Variants in SRGAP1 observed in about 807,000 individuals in gnomAD.
The protein encoded by SRGAP1 is SLIT-ROBO Rho GTPase-activating protein 1.
In SRGAP1, 43 loss-of-function variants were observed where a neutral mutation model predicts 121.9. The ratio of observed to expected loss-of-function variants is 0.35; its 90% confidence interval spans 0.28 to 0.46. The LOEUF (loss-of-function observed/expected upper bound fraction) is 0.46. Ranked by LOEUF, SRGAP1 falls within the 20% of genes least tolerant of loss-of-function variation. The probability of loss-of-function intolerance (pLI) is 1.00; values close to 1 mark genes in which losing one functional copy is unlikely to be tolerated. For missense variants in SRGAP1, 1,102 were observed against 1,350.9 expected (o/e 0.82, Z 2.89); for synonymous variants, 447 against 485.4 (o/e 0.92, Z 1.04).
chr12:63,923,656 T>C (rs1243894619), intron 1 of SRGAP1, among the ~76,000 whole-genome samples: 1 of 152,222 alleles, frequency 6.6e-6, no homozygotes, highest in Admixed American at 6.5e-5. Context: ...TTGGTAACAA[T>C]CTCCTTTAAG....
At chr12:63,948,990 T>A (rs1167509852) in intron 1 of SRGAP1, among the ~76,000 whole-genome samples, 1 of 139,540 alleles carries the variant, frequency 7.2e-6, no homozygotes, top group Non-Finnish European at 1.5e-5. Flanking sequence ...ATATTCCATA[T>A]ATGTATTTTC....
chr12:64,036,337 G>A (rs180972720), intron 4 of SRGAP1, among the ~76,000 whole-genome samples: 322 of 152,280 alleles, frequency 2.1e-3, no homozygotes, highest in African/African-American at 7.1e-3. Flanking sequence ...GAAACAATGG[G>A]CGTGGGCTTC....
chr12:63,962,324 T>C (rs1051360286), intron 1 of SRGAP1, among the ~76,000 whole-genome samples: 1 of 152,232 alleles, frequency 6.6e-6, no homozygotes, highest in Non-Finnish European at 1.5e-5. Flanking sequence ...AAGGAGACTT[T>C]TATGCTAAAA....
intron 1 of SRGAP1, among the ~76,000 whole-genome samples, chr12:63,883,845 A>C (rs143235904): frequency 0.058 from 8,817 of 150,790 alleles, 306 homozygotes; most frequent in East Asian, 0.14. Flanking sequence ...TTTTTAGTAG[A>C]GACGGGGTTT....
At chr12:63,928,078 T>C (rs957534265) in intron 1 of SRGAP1, among the ~76,000 whole-genome samples, 4 of 152,114 alleles carry the variant, frequency 2.6e-5, no homozygotes, top group African/African-American at 4.8e-5. Context: ...AGCTGTTTTG[T>C]TAGTGTTGAT....
At chr12:64,035,970 C>T (rs961612109) in intron 4 of SRGAP1, among the ~76,000 whole-genome samples, 1 of 152,152 alleles carries the variant, frequency 6.6e-6, no homozygotes, top group African/African-American at 2.4e-5. Flanking sequence ...CCCATTTTAC[C>T]TCGAAGGAAC....
At chr12:64,034,948 G>A (rs1303902772) in intron 4 of SRGAP1, among the ~76,000 whole-genome samples, 14 of 151,988 alleles carry the variant, frequency 9.2e-5, no homozygotes, top group African/African-American at 3.4e-4. Context: ...CCCAGGGAGA[G>A]AAGGTGGGTT....
At chr12:64,089,156 A>G (rs1267039054) in intron 11 of SRGAP1, among the ~76,000 whole-genome samples, 1 of 151,356 alleles carries the variant, frequency 6.6e-6, no homozygotes, top group Non-Finnish European at 1.5e-5. Flanking sequence ...ACCTCCAACC[A>G]CCTCCTTCAT....
chr12:63,869,556 A>G (rs1899780131), intron 1 of SRGAP1, among the ~76,000 whole-genome samples: 1 of 152,172 alleles, frequency 6.6e-6, no homozygotes, highest in South Asian at 2.1e-4. Flanking sequence ...GTCCTTGGTC[A>G]GCACCTTATT....
rs143840650 is a variant in SRGAP1, at chr12:63,975,562, A to G, written c.68-8385A>G. Among the ~76,000 whole-genome samples the G allele has an allele frequency of 1.1e-4, 17 of 152,360 alleles. No individual in the cohort carries two copies. In the East Asian group the frequency reaches 3.3e-3, roughly 29 times the overall value. On this transcript the variant is annotated intron_variant, in intron 1 of 21. Coordinates refer to ENST00000355086, the MANE Select transcript of SRGAP1 (RefSeq NM_020762.4). ...TTTTATGATTGTAACATGAATTAAT[A>G]TACAGATGATTGAGACATTTTACGT...
chr12:63,950,127 G>T (rs1304467163), intron 1 of SRGAP1, among the ~76,000 whole-genome samples: 1 of 152,146 alleles, frequency 6.6e-6, no homozygotes, highest in Non-Finnish European at 1.5e-5. Context: ...TTTGCAGCTG[G>T]CTAGAATGTG....
At chr12:63,942,385 A>G (rs1388506283) in intron 1 of SRGAP1, among the ~76,000 whole-genome samples, 15 of 152,218 alleles carry the variant, frequency 9.9e-5, no homozygotes, top group Non-Finnish European at 1.9e-4. Flanking sequence ...TATAATTGTG[A>G]ATTAAAATAT....
intron 4 of SRGAP1, among the ~76,000 whole-genome samples, chr12:64,024,396 G>A (rs6581524): frequency 0.48 from 72,710 of 151,990 alleles, 18,924 homozygotes; most frequent in African/African-American, 0.68. Context: ...GCGCTACTGC[G>A]CTCCAGCCTG....
In SRGAP1 at chr12:64,155,850, G is replaced by C. The variant is rs1332974143; in HGVS notation, c.*13178G>C. The C allele has an allele frequency of 6.6e-6, 1 of 152,160 alleles. No homozygotes were observed. The highest frequency in any genetic ancestry group is 1.5e-5 in the Non-Finnish European group (1 of 68,108). The allele number at this position is 152,160 out of a possible 1,614,324, so 9.4% of individuals were successfully genotyped here. ...GGGTTTCGCCATGTTGGCCAGGCTG[G>C]TCTTGAACTCCTGACCTCAGGTGAT... On this transcript the variant is annotated 3_prime_UTR_variant, in exon 22 of 22. Transcript: ENST00000355086.
intron 1 of SRGAP1, among the ~76,000 whole-genome samples, chr12:63,882,520 G>A (rs1471329956): frequency 6.6e-6 from 1 of 152,120 alleles, no homozygotes; most frequent in African/African-American, 2.4e-5. Flanking sequence ...CTGACCTCAG[G>A]TTATCCACCC....
intron 1 of SRGAP1, among the ~76,000 whole-genome samples, chr12:63,908,600 G>T (rs1045435575): frequency 6.6e-6 from 1 of 152,162 alleles, no homozygotes; most frequent in African/African-American, 2.4e-5. Context: ...ATGTTGGCCA[G>T]GCTGGTCTTG....
chr12:63,851,575 T>TTTTCTTTC (rs200974709), intron 1 of SRGAP1, among the ~76,000 whole-genome samples: 1 of 151,398 alleles, frequency 6.6e-6, no homozygotes, highest in East Asian at 2.0e-4. Context: ...TGTTGTCTTC[T>TTTTCTTTC]TTTCTTTCTT....
intron 19 of SRGAP1, among the ~76,000 whole-genome samples, chr12:64,127,303 G>A (rs2036707167): frequency 6.6e-6 from 1 of 152,186 alleles, no homozygotes; most frequent in Non-Finnish European, 1.5e-5. Context: ...AGAAGATGGA[G>A]GAGGATATTT....
intron 12 of SRGAP1, among the ~76,000 whole-genome samples, chr12:64,094,329 T>TA (rs964798212): frequency 2.0e-5 from 3 of 152,098 alleles, no homozygotes; most frequent in African/African-American, 7.3e-5. Context: ...TGTTCCTTTC[T>TA]AAAAAAACAA....
Sources: allele counts gnomAD v4.1 joint callset (sites outside exome capture counted in the v4.1 genomes callset), GRCh38; gene constraint gnomAD v4.1.1; transcripts MANE v1.5; gene names NCBI Gene and HGNC (gene_info 2026-07-23, HGNC 2026-07-21).